POLR1C: variants seen among roughly 807,000 people sequenced by gnomAD.
POLR1C encodes DNA-directed RNA polymerases I and III subunit RPAC1.
Under a neutral mutation model 38.3 loss-of-function variants are expected in POLR1C, and 42 were observed. The ratio of observed to expected loss-of-function variants is 1.10; its 90% CI spans 0.86 to 1.42. POLR1C has a LOEUF of 1.42. Among genes scored for constraint, POLR1C ranks in the 40% most tolerant of loss-of-function variants. POLR1C has a pLI of 0.00. For synonymous variants in POLR1C, 163 were observed against 163.9 expected (o/e 0.99, Z 0.04); for missense variants, 507 against 450.5 (o/e 1.13, Z -1.14).
At chr6:43,524,682 C>A (rs1363101368), downstream of POLR1C, 1 of 1,596,066 alleles carries the variant, frequency 6.3e-7, no homozygotes, top group Non-Finnish European at 8.5e-7. Flanking sequence ...TTGGATATTG[C>A]CACCCTCCCC....
chr6:43,524,780 G>A, downstream of POLR1C: 2 of 1,608,172 alleles, frequency 1.2e-6, no homozygotes, highest in South Asian at 1.1e-5. Context: ...ACTAGGAGCA[G>A]ACTGAGTGAT....
chr6:43,531,448 A>C, downstream of POLR1C: 1 of 1,588,644 alleles, frequency 6.3e-7, no homozygotes, highest in Non-Finnish European at 8.6e-7. Context: ...ATCGAGGAAG[A>C]AAATATGGAG....
chr6:43,549,458 T>C, intron 9 of POLR1C: 1 of 1,571,052 alleles, frequency 6.4e-7, no homozygotes, highest in South Asian at 1.2e-5. Context: ...TAACCAAACT[T>C]GGCTACTTCA....
chr6:43,555,996 G>T (rs747475251), intron 10 of POLR1C: 3 of 1,611,172 alleles, frequency 1.9e-6, no homozygotes, highest in South Asian at 2.2e-5. Flanking sequence ...GGAAGGACAG[G>T]AATCAATAAC....
intron 8 of POLR1C, 50 bp from the exon 9 acceptor site, chr6:43,521,132 A>C (rs767589991): frequency 6.2e-7 from 1 of 1,609,340 alleles, no homozygotes; most frequent in South Asian, 1.1e-5. Flanking sequence ...TTTATGAGTA[A>C]GTTTTACAGG....
In POLR1C at chr6:43,519,485, G is replaced by A. The variant is rs759960522; in HGVS notation, c.249+45G>A. Reference sequence around the variant, plus strand: ...CAAGGCTGGAGTTGCTTTGGGAACTGCACTGACACCTCACTTGGAGAATTA... The same window carrying A: ...CAAGGCTGGAGTTGCTTTGGGAACTACACTGACACCTCACTTGGAGAATTA... On this transcript the variant is annotated intron_variant, in intron 3 of 8. Transcript: ENST00000642195. 3 of 1,408,820 alleles carry A rather than the reference G, an allele frequency of 2.1e-6. No homozygotes were observed. In the African/African-American group the frequency reaches 4.2e-5, roughly 20 times the overall value. 87.3% of individuals were successfully genotyped at this position (1,408,820 alleles called of 1,614,324 possible). A position where few individuals can be genotyped will look rare whatever the true frequency, so the allele number is the denominator to read the frequency against.
chr6:43,535,469 CATG>C (rs564658522), intron 9 of POLR1C, among the ~76,000 whole-genome samples: 29 of 152,060 alleles, frequency 1.9e-4, no homozygotes, highest in Non-Finnish European at 3.7e-4. Context: ...GGGTGCCGGG[CATG>C]GTAGCTACAG....
At chr6:43,545,824 C>A (rs1794940199) in intron 9 of POLR1C, among the ~76,000 whole-genome samples, 1 of 152,158 alleles carries the variant, frequency 6.6e-6, no homozygotes. Flanking sequence ...ATCCCTGAGT[C>A]ATCAAATATC....
chr6:43,560,915 A>G lies in POLR1C; in HGVS notation c.*49-485A>G. 6.2e-7 allele frequency: 1 copy of G among 1,611,990 alleles called. No homozygotes were observed. The highest frequency in any genetic ancestry group is 1.3e-5 in the African/African-American group (1 of 75,022). On this transcript the variant is annotated intron_variant, in intron 10 of 10. Coordinates refer to the POLR1C transcript ENST00000607635. Reference sequence around the variant, plus strand: ...TAAACTTTTGAGAAGTTACCTGTATAAAGTTTACCTGACTTGGATGGGTTG... The same window carrying G: ...TAAACTTTTGAGAAGTTACCTGTATGAAGTTTACCTGACTTGGATGGGTTG...
chr6:43,531,346 C>T (rs1793962808), downstream of POLR1C: 3 of 788,648 alleles, frequency 3.8e-6, no homozygotes, highest in Non-Finnish European at 6.2e-6. Flanking sequence ...CTATTTAACA[C>T]TAGAATGATA....
At chr6:43,531,790 T>C (rs111734266), downstream of POLR1C, among the ~76,000 whole-genome samples, 57 of 151,606 alleles carry the variant, frequency 3.8e-4, 1 homozygote, top group Middle Eastern at 3.4e-3. Context: ...GGGTACTCTT[T>C]TATCTGCTTT....
downstream of POLR1C, chr6:43,533,880 T>C: frequency 2.6e-6 from 4 of 1,536,330 alleles, no homozygotes; most frequent in Middle Eastern, 1.7e-4. Context: ...AGATAAACCT[T>C]AGGAGAAAAA....
At chr6:43,519,889 G>C (rs1793048182) in intron 4 of POLR1C, 51 bp downstream of exon 4, 1 of 1,590,752 alleles carries the variant, frequency 6.3e-7, no homozygotes, top group Non-Finnish European at 8.6e-7. Context: ...TCAAATCCTG[G>C]TTGACTGTGA....
downstream of POLR1C, among the ~76,000 whole-genome samples, chr6:43,521,785 G>C (rs1793205070): frequency 6.6e-6 from 1 of 152,124 alleles, no homozygotes; most frequent in African/African-American, 2.4e-5. Flanking sequence ...CCTGCCTTGG[G>C]GCCTCCCAAA....
intron 8 of POLR1C, 23 bp from the exon 9 acceptor site, chr6:43,521,159 T>G: frequency 6.2e-7 from 1 of 1,612,490 alleles, no homozygotes; most frequent in Non-Finnish European, 8.5e-7. Flanking sequence ...CTGCCTAGAC[T>G]AAAGTGTCTC....
chr6:43,530,519 A>G (rs112381362), downstream of POLR1C, among the ~76,000 whole-genome samples: 537 of 152,278 alleles, frequency 3.5e-3, 7 homozygotes, highest in African/African-American at 0.012. Context: ...GACTGCCTTC[A>G]TGTTTTCCCT....
chr6:43,522,674 A>T (rs1236568928), downstream of POLR1C: 6 of 481,516 alleles, frequency 1.2e-5, no homozygotes, highest in Admixed American at 1.2e-4. Context: ...ACCAGCTAAA[A>T]ACTGTAGCTT....
chr6:43,558,770 T>A (rs1197190291), intron 10 of POLR1C: 1 of 502,478 alleles, frequency 2.0e-6, no homozygotes, highest in Non-Finnish European at 3.5e-6. Flanking sequence ...CCAGTTCCAG[T>A]ATTCCTCAGT....
chr6:43,528,333 G>A, intron 8 of POLR1C: 1 of 868,878 alleles, frequency 1.2e-6, no homozygotes, highest in Non-Finnish European at 1.8e-6. Flanking sequence ...GACAACTTCT[G>A]TAGACTCCAC....
Sources: gnomAD v4.1 joint callset for allele counts (sites outside exome capture counted in the v4.1 genomes callset) on GRCh38, gnomAD v4.1.1 for gene constraint, MANE v1.5 for transcripts, NCBI Gene and HGNC (gene_info 2026-07-23, HGNC 2026-07-21) for gene names.